Variants in PRKCE observed in about 807,000 individuals in gnomAD.
PRKCE encodes protein kinase C epsilon type.
PRKCE carries 16 observed loss-of-function variants against 85.4 expected under a neutral mutation model. That is an observed-to-expected ratio of 0.19 (90% CI 0.13 to 0.28). PRKCE has a LOEUF of 0.28. Among genes scored for constraint, PRKCE ranks in the 10% least tolerant of loss-of-function variants. The probability of loss-of-function intolerance (pLI) is 1.00; values close to 1 mark genes in which losing one functional copy is unlikely to be tolerated. For missense variants in PRKCE, 573 were observed against 975.2 expected (o/e 0.59, Z 5.49); for synonymous variants, 388 against 371.5 (o/e 1.04, Z -0.51).
chr2:45,938,636 C>G (rs1320901343), intron 2 of PRKCE, among the ~76,000 whole-genome samples: 1 of 152,168 alleles, frequency 6.6e-6, no homozygotes, highest in Non-Finnish European at 1.5e-5. Flanking sequence ...CTTATGGGTC[C>G]CTTCTCTTTT....
intron 1 of PRKCE, among the ~76,000 whole-genome samples, chr2:45,742,273 C>T (rs1322659110): frequency 2.6e-5 from 4 of 151,918 alleles, no homozygotes; most frequent in Non-Finnish European, 5.9e-5. Context: ...AAACACCACA[C>T]AACTGGATTA....
intron 2 of PRKCE, among the ~76,000 whole-genome samples, chr2:45,858,870 A>C (rs946790302): frequency 6.6e-6 from 1 of 151,566 alleles, no homozygotes; most frequent in Non-Finnish European, 1.5e-5. Context: ...GTGAAACCCC[A>C]CCTCTACTAA....
At chr2:45,989,146 GC>G (rs1703590653) in intron 6 of PRKCE, among the ~76,000 whole-genome samples, 1 of 152,212 alleles carries the variant, frequency 6.6e-6, no homozygotes, top group Non-Finnish European at 1.5e-5. Flanking sequence ...GGAAGCGGAA[GC>G]CCTGCTTTTT....
At chr2:45,878,293 T>C (rs1056208986) in intron 2 of PRKCE, among the ~76,000 whole-genome samples, 5 of 152,226 alleles carry the variant, frequency 3.3e-5, no homozygotes, top group Admixed American at 6.5e-5. Flanking sequence ...CATCCTCCTC[T>C]AGTGTTTGCA....
At chr2:45,859,068 AT>A (rs1692928905) in intron 2 of PRKCE, among the ~76,000 whole-genome samples, 2 of 151,102 alleles carry the variant, frequency 1.3e-5, no homozygotes, top group South Asian at 2.1e-4. Flanking sequence ...AAATAAATAA[AT>A]AAATAAATAA....
intron 10 of PRKCE, among the ~76,000 whole-genome samples, chr2:46,019,316 G>A (rs1433795344): frequency 6.6e-6 from 1 of 152,218 alleles, no homozygotes; most frequent in Non-Finnish European, 1.5e-5. Context: ...GAGAATTGGC[G>A]TGTCTAAATG....
chr2:45,944,369 T>TGG (rs1388287704), intron 2 of PRKCE, among the ~76,000 whole-genome samples: 99 of 152,338 alleles, frequency 6.5e-4, no homozygotes, highest in African/African-American at 2.4e-3. Flanking sequence ...CAGTATAGTA[T>TGG]CTAAGGCACA....
intron 1 of PRKCE, among the ~76,000 whole-genome samples, chr2:45,790,785 CT>C (rs1686972588): frequency 6.6e-6 from 1 of 152,204 alleles, no homozygotes; most frequent in African/African-American, 2.4e-5. Flanking sequence ...CACTTTGTAT[CT>C]GTTTCTGCAC....
chr2:45,907,557 A>G lies in PRKCE; in HGVS notation c.412+64494A>G, dbSNP rs975600843. 6.6e-6 allele frequency among the ~76,000 whole-genome samples: 1 copy of G among 152,218 alleles called. No homozygotes were observed. The highest frequency in any genetic ancestry group is 2.4e-5 in the African/African-American group (1 of 41,448). On this transcript the variant is annotated intron_variant, in intron 2 of 14. Coordinates refer to ENST00000306156, the MANE Select transcript of PRKCE (RefSeq NM_005400.3). The surrounding 1 kb of genome is among the most constrained non-coding windows in gnomAD (Gnocchi z 4.5). Reference sequence around the variant, plus strand: ...CTCTCCGGGCAGTGGCATAGCAGGCAGTGAGCGTGTGCCCAAGCCTGCTTC... The same window carrying G: ...CTCTCCGGGCAGTGGCATAGCAGGCGGTGAGCGTGTGCCCAAGCCTGCTTC...
At chr2:46,049,577 G>T (rs1301214963) in intron 10 of PRKCE, among the ~76,000 whole-genome samples, 1 of 152,190 alleles carries the variant, frequency 6.6e-6, no homozygotes, top group East Asian at 1.9e-4. Context: ...GGTCAAGGGG[G>T]AAGCAGCTGC....
At chr2:45,766,170 G>T (rs1297601582) in intron 1 of PRKCE, among the ~76,000 whole-genome samples, 1 of 151,946 alleles carries the variant, frequency 6.6e-6, no homozygotes. Flanking sequence ...GTGCATGGAA[G>T]CGTGCAGGTC....
At chr2:46,130,462 G>A (rs549569371) in intron 11 of PRKCE, among the ~76,000 whole-genome samples, 45 of 152,202 alleles carry the variant, frequency 3.0e-4, no homozygotes, top group African/African-American at 1.0e-3. Context: ...TGTTGTCTGC[G>A]TACAGTCTCA....
chr2:45,793,419 C>A (rs1558678012), intron 1 of PRKCE, among the ~76,000 whole-genome samples: 1 of 152,094 alleles, frequency 6.6e-6, no homozygotes, highest in Non-Finnish European at 1.5e-5. Flanking sequence ...AAAATTATAC[C>A]CAGACTCCCC....
intron 1 of PRKCE, among the ~76,000 whole-genome samples, chr2:45,684,879 G>C (rs1469723979): frequency 2.0e-5 from 3 of 152,210 alleles, no homozygotes; most frequent in African/African-American, 7.2e-5. Context: ...GTGGCTGGCA[G>C]GGGGCTGGCA....
At chr2:46,135,745 G>GTTTTTTT (rs1558491144) in intron 11 of PRKCE, among the ~76,000 whole-genome samples, 20 of 14,922 alleles carry the variant, frequency 1.3e-3, no homozygotes, top group African/African-American at 5.1e-3. Flanking sequence ...AACAAATTAT[G>GTTTTTTT]CTTTTTTTTT....
At position 45,917,620 on chromosome 2, in the gene PRKCE, C is replaced by T. The variant is rs1034788522; in HGVS notation, c.413-58809C>T. On this transcript the variant is annotated intron_variant, in intron 2 of 14. Transcript: ENST00000306156. ...CCAGCTGGCTTCACCCAGTGGATCC[C>T]GCACTGGGGCTGCAGGTGGAGCTGC... Among the ~76,000 whole-genome samples, 24 of 152,244 alleles carry T rather than the reference C, an allele frequency of 1.6e-4. 1 individual carries two copies. The highest frequency in any genetic ancestry group is 3.3e-4 in the Admixed American group (5 of 15,288).
intron 1 of PRKCE, among the ~76,000 whole-genome samples, chr2:45,672,307 T>TATCC (rs909045469): frequency 4.6e-5 from 7 of 150,956 alleles, no homozygotes; most frequent in African/African-American, 1.2e-4. Flanking sequence ...TCCATCTCTA[T>TATCC]ATCCATCCAT....
chr2:45,658,250 C>G (rs895257380), intron 1 of PRKCE, among the ~76,000 whole-genome samples: 1 of 152,190 alleles, frequency 6.6e-6, no homozygotes, highest in Admixed American at 6.5e-5. Context: ...TCCAATATTG[C>G]TCTCATTGGT....
chr2:46,042,536 C>T (rs1424401888), intron 10 of PRKCE, among the ~76,000 whole-genome samples: 1 of 152,236 alleles, frequency 6.6e-6, no homozygotes, highest in Non-Finnish European at 1.5e-5. Context: ...CGCCAGCCTG[C>T]AGTTCTCTCT....
Sources: allele counts gnomAD v4.1 joint callset (sites outside exome capture counted in the v4.1 genomes callset), GRCh38; gene constraint gnomAD v4.1.1; non-coding constraint Gnocchi (gnomAD v3.1); transcripts MANE v1.5; gene names NCBI Gene and HGNC (gene_info 2026-07-23, HGNC 2026-07-21).